Variants in PDCD11 observed in about 807,000 individuals in gnomAD.
PDCD11 encodes programmed cell death 11.
In PDCD11, 97 loss-of-function variants were observed where a neutral mutation model predicts 198.9. That is an observed-to-expected ratio of 0.49 (90% confidence interval 0.41 to 0.58). The LOEUF is 0.58. Among genes scored for constraint, PDCD11 ranks in the 20% least tolerant of loss-of-function variants. The pLI is 0.00. For synonymous variants in PDCD11, 893 were observed against 918.0 expected (o/e 0.97, Z 0.49); for missense variants, 2,102 against 2,312.7 (o/e 0.91, Z 1.87).
rs772084342 is a variant in PDCD11 at position 103,439,779 on chromosome 10, C to G, written c.4059C>G (p.Tyr1353Ter). 6.2e-7 allele frequency: 1 copy of G among 1,614,146 alleles called. No homozygotes were observed. Among genetic ancestry groups the G allele is most frequent in the Non-Finnish European group, 8.5e-7 (1 of 1,180,008 alleles). Residue 1353 changes from tyrosine to a stop codon, truncating the protein, a stop_gained, in exon 28 of 36, where the codon TAC becomes TAG. Transcript: ENST00000369797. LOFTEE classifies it high-confidence loss of function. ...LGPSVVGLAR[Y>*]SHVSQHSPSK... ...CCTCCGTTGTGGGTTTGGCTCGGTA[C>G]TCCCATGTCTCCCAGCACAGCCCGT...
chr10:103,439,506 G>C (rs144766241), intron 27 of PDCD11, among the ~76,000 whole-genome samples: 8 of 152,138 alleles, frequency 5.3e-5, no homozygotes, highest in Admixed American at 2.6e-4. Context: ...CTAGCAGTTT[G>C]TGATTTATAT....
Position 103,445,429 on chromosome 10 carries a change from G to C in PDCD11, c.5496G>C (p.Lys1832Asn). The C allele has an allele frequency of 3.7e-6, 6 of 1,614,204 alleles. No homozygotes were observed. Among genetic ancestry groups the C allele is most frequent in the Non-Finnish European group, 5.1e-6 (6 of 1,180,036 alleles). The change falls in exon 36 of 36, where the codon AAG (lysine) becomes AAC (asparagine). Residue 1832 changes from lysine to asparagine, a missense_variant. Transcript: ENST00000369797. The stretch of plus-strand genomic sequence containing the variant: ...TGAGCTTGGCCCCCAAGAGAATGAA[G>C]TTCTTCTTCAAGCGCTACCTGGACT... Reference protein sequence around the residue: ...IHLSLAPKRMKFFFKRYLDYE... With the variant: ...IHLSLAPKRMNFFFKRYLDYE...
intron 24 of PDCD11, 167 bp downstream of exon 24, chr10:103,434,517 C>T (rs2133739510): frequency 3.3e-6 from 2 of 608,514 alleles, no homozygotes; most frequent in South Asian, 4.0e-5. Flanking sequence ...TTGCTCTGGC[C>T]CAGTTACTCC....
chr10:103,427,289 A>G (rs1284587982), intron 20 of PDCD11, 40 bp from the exon 21 acceptor site: 7 of 1,557,572 alleles, frequency 4.5e-6, no homozygotes, highest in Admixed American at 3.3e-5. Context: ...ACTGTGTTAC[A>G]GAGATGAAGA....
chr10:103,404,639 A>G (rs908441746), intron 4 of PDCD11, among the ~76,000 whole-genome samples: 14 of 152,222 alleles, frequency 9.2e-5, no homozygotes, highest in African/African-American at 3.4e-4. Context: ...ATAGACTGCA[A>G]AACTGACCAC....
In PDCD11 at chr10:103,439,774, C is replaced by T. The variant is rs548140925; in HGVS notation, c.4054C>T (p.Arg1352Trp). 1.6e-5 allele frequency: 26 copies of T among 1,614,120 alleles called. No homozygotes were observed. Among genetic ancestry groups the T allele is most frequent in the African/African-American group, 5.3e-5 (4 of 75,028 alleles). ...TGGCCCCTCCGTTGTGGGTTTGGCT[C>T]GGTACTCCCATGTCTCCCAGCACAG... is the stretch of plus-strand genomic sequence containing the variant. ...RLGPSVVGLA[R>W]YSHVSQHSPS... Residue 1352 changes from arginine (R) to tryptophan (W), a missense_variant, in exon 28 of 36, where the codon CGG becomes TGG. Arg to Trp is a moderately radical substitution (Grantham distance 101). Coordinates refer to ENST00000369797, the MANE Select transcript of PDCD11 (RefSeq NM_014976.2).
intron 21 of PDCD11, among the ~76,000 whole-genome samples, chr10:103,430,539 A>G (rs369289991): frequency 9.9e-5 from 15 of 151,930 alleles, no homozygotes; most frequent in East Asian, 7.7e-4. Context: ...AGAAACTTCC[A>G]TACTGTTTTC....
At chr10:103,397,028 A>G (rs1052825623) in intron 1 of PDCD11, among the ~76,000 whole-genome samples, 4 of 152,076 alleles carry the variant, frequency 2.6e-5, no homozygotes, top group Admixed American at 6.6e-5. Flanking sequence ...TCCTGTTTCT[A>G]TGAATCATAT....
At chr10:103,400,343 C>G in intron 2 of PDCD11, 54 bp from the exon 3 acceptor site, 4 of 1,521,960 alleles carry the variant, frequency 2.6e-6, no homozygotes, top group Non-Finnish European at 3.5e-6. Context: ...AGGGAAAACT[C>G]AGATTGCTTC....
chr10:103,405,155 T>A lies in PDCD11; in HGVS notation c.536T>A (p.Leu179Gln). 6.2e-7 allele frequency: 1 copy of A among 1,613,824 alleles called. No homozygotes were observed. Among genetic ancestry groups the A allele is most frequent in the Non-Finnish European group, 8.5e-7 (1 of 1,179,948 alleles). ...SLNPKNVNRV[L>Q]SAEALKPGML... Reference sequence around the variant, plus strand: ...AACCCCAAAAATGTCAACAGAGTGCTGAGTGCTGAGGCCCTGAAGCCTGGC... The same window carrying A: ...AACCCCAAAAATGTCAACAGAGTGCAGAGTGCTGAGGCCCTGAAGCCTGGC... The change falls in exon 5 of 36, where the codon CTG becomes CAG. Residue 179 changes from leucine to glutamine, a missense_variant. Transcript: ENST00000369797.
At chr10:103,400,868 G>T (rs776139138) in intron 3 of PDCD11, among the ~76,000 whole-genome samples, 2 of 152,048 alleles carry the variant, frequency 1.3e-5, no homozygotes, top group South Asian at 4.1e-4. Context: ...TCCTGCCTCA[G>T]CTTCTCCTGA....
In PDCD11 at chr10:103,442,456, T is replaced by C. The variant is rs1318056694; in HGVS notation, c.4951T>C (p.Phe1651Leu). The change falls in exon 32 of 36, where the codon TTC (phenylalanine) becomes CTC (leucine). Residue 1651 changes from phenylalanine to leucine, a missense_variant. Coordinates refer to ENST00000369797, the MANE Select transcript of PDCD11 (RefSeq NM_014976.2). ...TGAGAGGGCCCTTAAGACCATCTCC[T>C]TCAGGTCTCAGCTTTGCCCCAGGGA... The part of the protein sequence containing the change: ...VAERALKTIS[F>L]REEQEKLNVW... The C allele has an allele frequency of 6.2e-7, 1 of 1,613,166 alleles. No homozygotes were observed. The highest frequency in any genetic ancestry group is 8.5e-7 in the Non-Finnish European group (1 of 1,179,598).
At chr10:103,423,305 A>T (rs766534203) in intron 18 of PDCD11, among the ~76,000 whole-genome samples, 168 bp downstream of exon 18, 3 of 152,172 alleles carry the variant, frequency 2.0e-5, no homozygotes, top group Non-Finnish European at 2.9e-5. Flanking sequence ...TGAATCCTTT[A>T]ATTGTTACAA....
Position 103,445,883 on chromosome 10 carries a change from G to C in PDCD11, c.*334G>C, listed in dbSNP as rs1262649008. 4.0e-6 allele frequency: 1 copy of C among 249,024 alleles called. No homozygotes were observed. The highest frequency in any genetic ancestry group is 7.9e-6 in the Non-Finnish European group (1 of 127,090). 15.4% of individuals were successfully genotyped at this position (249,024 alleles called of 1,614,324 possible). On this transcript the variant is annotated 3_prime_UTR_variant, in exon 36 of 36. Transcript: ENST00000369797. ...GCAAGAGTAGAGGGGCTATTCCCGA[G>C]GGTCCTGTGGTCAGGGTCCTGCTTT...
At chr10:103,429,312 A>G (rs2031826714) in intron 21 of PDCD11, among the ~76,000 whole-genome samples, 1 of 152,092 alleles carries the variant, frequency 6.6e-6, no homozygotes, top group South Asian at 2.1e-4. Flanking sequence ...AGTACTGCCA[A>G]CCCTTCTTTT....
chr10:103,438,853 A>T, intron 27 of PDCD11, 45 bp downstream of exon 27: 2 of 1,609,732 alleles, frequency 1.2e-6, no homozygotes, highest in Non-Finnish European at 1.7e-6. Flanking sequence ...GCCTTCCCTG[A>T]GCCTGTGTTG....
At chr10:103,411,728 C>T (rs961174233) in intron 8 of PDCD11, among the ~76,000 whole-genome samples, 2 of 152,064 alleles carry the variant, frequency 1.3e-5, no homozygotes, top group Admixed American at 6.6e-5. Context: ...TTTTCTACTA[C>T]CTAGTGGTAA....
At position 103,445,601 on chromosome 10, in the gene PDCD11, C is replaced by T. The variant is rs2032576741; in HGVS notation, c.*52C>T. The T allele has an allele frequency of 1.3e-6, 2 of 1,522,936 alleles. No individual in the cohort carries two copies. The highest frequency in any genetic ancestry group is 9.0e-7 in the Non-Finnish European group (1 of 1,109,122). 94.3% of individuals were successfully genotyped at this position (1,522,936 alleles called of 1,614,324 possible). A position where few individuals can be genotyped will look rare whatever the true frequency, so the allele number is the denominator to read the frequency against. On this transcript the variant is annotated 3_prime_UTR_variant, in exon 36 of 36. Transcript: ENST00000369797. ...TCAACAATGGGCCAGCCCGGCCCCG[C>T]CTCGAGTGCCTGGGCACTCGGAAAA...
intron 8 of PDCD11, among the ~76,000 whole-genome samples, chr10:103,411,596 G>A (rs2133692607): frequency 6.6e-6 from 1 of 152,136 alleles, no homozygotes; most frequent in South Asian, 2.1e-4. Context: ...TAAACACCTG[G>A]GCTCAAATGA....
Sources: allele counts gnomAD v4.1 joint callset (sites outside exome capture counted in the v4.1 genomes callset), GRCh38; gene constraint gnomAD v4.1.1; transcripts MANE v1.5; gene names NCBI Gene and HGNC (gene_info 2026-07-23, HGNC 2026-07-21).